Variants in PRKCB observed in about 807,000 individuals in gnomAD.
PRKCB encodes the protein protein kinase C beta type.
A neutral mutation model predicts 81.5 loss-of-function variants in PRKCB; 13 were observed. The ratio of observed to expected loss-of-function variants is 0.16; its 90% CI spans 0.10 to 0.25. The LOEUF (loss-of-function observed/expected upper bound fraction) is 0.25, where lower values mean the gene tolerates loss of function less well. Ranked by LOEUF, PRKCB falls within the 10% of genes least tolerant of loss-of-function variation. The probability of loss-of-function intolerance (pLI) is 1.00; values close to 1 mark genes in which losing one functional copy is unlikely to be tolerated. For missense variants in PRKCB, 509 were observed against 875.7 expected, an observed-to-expected ratio of 0.58 and a Z score of 5.29; for synonymous variants, 335 against 321.4, an observed-to-expected ratio of 1.04 and a Z score of -0.45.
At chr16:24,136,270 T>G (rs380294) in intron 9 of PRKCB, among the ~76,000 whole-genome samples, 57,754 of 151,924 alleles carry the variant, frequency 0.38, 11,355 homozygotes, top group African/African-American at 0.48. Flanking sequence ...TTCATTTTTC[T>G]CAAGAAAATA....
chr16:24,061,560 C>T (rs772334602), intron 5 of PRKCB, among the ~76,000 whole-genome samples: 7 of 152,150 alleles, frequency 4.6e-5, no homozygotes, highest in Non-Finnish European at 1.0e-4. Flanking sequence ...TTCCAGGGTT[C>T]CATCAGCAAA....
At chr16:23,962,715 G>C (rs1964442029) in intron 2 of PRKCB, among the ~76,000 whole-genome samples, 1 of 152,034 alleles carries the variant, frequency 6.6e-6, no homozygotes, top group African/African-American at 2.4e-5. Context: ...GTCTAGGCTG[G>C]TGTCCAACAA....
At chr16:24,136,819 G>T (rs1409985445) in intron 9 of PRKCB, among the ~76,000 whole-genome samples, 3 of 152,106 alleles carry the variant, frequency 2.0e-5, no homozygotes, top group African/African-American at 7.2e-5. Flanking sequence ...CTGGCACACA[G>T]GCCAAAGTGG....
At chr16:23,994,405 T>C (rs1272227823) in intron 3 of PRKCB, among the ~76,000 whole-genome samples, 1 of 152,150 alleles carries the variant, frequency 6.6e-6, no homozygotes, top group Non-Finnish European at 1.5e-5. Flanking sequence ...CTTTGACCTG[T>C]AGAGTGAGGC....
chr16:23,998,170 G>A (rs1041502334), intron 3 of PRKCB, among the ~76,000 whole-genome samples: 1 of 152,092 alleles, frequency 6.6e-6, no homozygotes, highest in Non-Finnish European at 1.5e-5. Flanking sequence ...TTGGGTGTTG[G>A]TGCTCCAGGT....
intron 2 of PRKCB, among the ~76,000 whole-genome samples, chr16:23,950,118 C>T (rs920443459): frequency 6.8e-6 from 1 of 147,040 alleles, no homozygotes; most frequent in Non-Finnish European, 1.5e-5. Flanking sequence ...GCAGCATTGG[C>T]CCCTATGATT....
intron 2 of PRKCB, among the ~76,000 whole-genome samples, chr16:23,910,105 C>G (rs1253126774): frequency 6.6e-6 from 1 of 152,138 alleles, no homozygotes; most frequent in Non-Finnish European, 1.5e-5. Context: ...CCTGAACATG[C>G]TGACAGTGTC....
At chr16:24,021,042 C>CTTTCTT (rs1965367025) in intron 3 of PRKCB, among the ~76,000 whole-genome samples, 2 of 74,342 alleles carry the variant, frequency 2.7e-5, no homozygotes, top group African/African-American at 1.3e-4. Flanking sequence ...CTTTCTTTCT[C>CTTTCTT]TTTCTTTCTT....
chr16:24,139,871 G>A (rs1966882974), intron 9 of PRKCB, among the ~76,000 whole-genome samples: 1 of 152,190 alleles, frequency 6.6e-6, no homozygotes, highest in Non-Finnish European at 1.5e-5. Context: ...TCTGGCCAAC[G>A]TGAAGACTGT....
At chr16:23,951,719 CCT>C (rs1458726046) in intron 2 of PRKCB, among the ~76,000 whole-genome samples, 1 of 151,694 alleles carries the variant, frequency 6.6e-6, no homozygotes, top group East Asian at 1.9e-4. Context: ...CACCTGGTCC[CCT>C]GTCTTTTTTT....
At chr16:23,864,733 GT>G (rs11321325) in intron 2 of PRKCB, among the ~76,000 whole-genome samples, 28,641 of 151,562 alleles carry the variant, frequency 0.19, 3,069 homozygotes, top group East Asian at 0.33. Flanking sequence ...TTCTTTTTTT[GT>G]TTTTTTTAAA....
chr16:24,063,832 G>A (rs535355263), intron 5 of PRKCB, among the ~76,000 whole-genome samples: 2 of 152,228 alleles, frequency 1.3e-5, no homozygotes, highest in African/African-American at 4.8e-5. Flanking sequence ...GATATTTATG[G>A]CATCACTGTT....
intron 16 of PRKCB, among the ~76,000 whole-genome samples, chr16:24,193,783 G>T (rs1176859040): frequency 1.3e-5 from 2 of 152,118 alleles, no homozygotes; most frequent in Non-Finnish European, 2.9e-5. Context: ...GGAGATCGAT[G>T]CAAGCCAGAG....
chr16:23,836,688 G>A (rs912888239), intron 1 of PRKCB, among the ~76,000 whole-genome samples: 2 of 151,774 alleles, frequency 1.3e-5, no homozygotes, highest in African/African-American at 2.4e-5. Flanking sequence ...GCAGCGCCTC[G>A]GGTGCTCTCC....
chr16:24,032,366 G>C, intron 4 of PRKCB, 119 bp downstream of exon 4: 1 of 612,880 alleles, frequency 1.6e-6, no homozygotes, highest in South Asian at 2.2e-5. Flanking sequence ...GTTGGGGCTG[G>C]TGTACCAGTT....
chr16:23,928,610 A>G (rs1334353905), intron 2 of PRKCB, among the ~76,000 whole-genome samples: 1 of 152,096 alleles, frequency 6.6e-6, no homozygotes, highest in African/African-American at 2.4e-5. Flanking sequence ...TAAGGTAGAA[A>G]GAGGAGGACA....
intron 2 of PRKCB, among the ~76,000 whole-genome samples, chr16:23,867,090 C>CTCTT (rs968278479): frequency 3.5e-5 from 5 of 143,296 alleles, no homozygotes; most frequent in Admixed American, 7.3e-5. Flanking sequence ...TTCTTTCTTT[C>CTCTT]TCTTTCTTTC....
chr16:24,212,074 C>T (rs1394086405), intron 16 of PRKCB, among the ~76,000 whole-genome samples: 2 of 152,156 alleles, frequency 1.3e-5, no homozygotes, highest in East Asian at 3.9e-4. Flanking sequence ...ACCCCAGTTG[C>T]CAATTGCAAT....
chr16:24,034,579 G>A (rs1965589683), intron 4 of PRKCB, among the ~76,000 whole-genome samples: 1 of 152,230 alleles, frequency 6.6e-6, no homozygotes, highest in African/African-American at 2.4e-5. Context: ...CAGTGTATAG[G>A]CACATTTTAT....
Sources: gnomAD v4.1 joint callset for allele counts (sites outside exome capture counted in the v4.1 genomes callset) on GRCh38, gnomAD v4.1.1 for gene constraint, MANE v1.5 for transcripts, NCBI Gene and HGNC (gene_info 2026-07-23, HGNC 2026-07-21) for gene names.